Variants in DPYSL5 observed in about 807,000 individuals in gnomAD.
The protein encoded by DPYSL5 is dihydropyrimidinase like 5, also known as dihydropyrimidinase-related protein 5.
DPYSL5 carries 9 observed loss-of-function variants against 58.4 expected under a neutral mutation model. That is an observed-to-expected ratio of 0.15 (90% confidence interval 0.09 to 0.27). The LOEUF is 0.27. Among genes scored for constraint, DPYSL5 ranks in the 10% least tolerant of loss-of-function variants. The pLI, the probability that DPYSL5 is intolerant of heterozygous loss-of-function variation, is 1.00. For missense variants in DPYSL5, 499 were observed against 770.6 expected (o/e 0.65, Z 4.17); for synonymous variants, 293 against 301.9 (o/e 0.97, Z 0.31).
intron 1 of DPYSL5, among the ~76,000 whole-genome samples, chr2:26,887,598 C>T (rs1663752352): frequency 6.6e-6 from 1 of 152,242 alleles, no homozygotes; most frequent in African/African-American, 2.4e-5. Flanking sequence ...TAACTTTGTC[C>T]ACTCAGCAAG....
chr2:26,911,057 T>C (rs1222669129), intron 2 of DPYSL5, among the ~76,000 whole-genome samples: 1 of 150,136 alleles, frequency 6.7e-6, no homozygotes, highest in African/African-American at 2.4e-5. Context: ...TTTTTATACA[T>C]GGTATGTGGT....
rs1054429260 is a variant in DPYSL5, at chr2:26,947,880, G to A, written c.*885G>A. On this transcript the variant is annotated 3_prime_UTR_variant, in exon 13 of 13. Transcript: ENST00000288699. This position sits in a 1 kb window ranked among gnomAD's most constrained non-coding sequence, Gnocchi z 4.2. ...CAGGCCTCTCTTTTCCCCGCCTGCA[G>A]TCTTCTGGGCTGCGGGAGGCCCTGG... The A allele has an allele frequency of 6.5e-6, 1 of 152,824 alleles. No homozygotes were observed. The highest frequency in any genetic ancestry group is 2.4e-5 in the African/African-American group (1 of 41,430). 9.5% of individuals were successfully genotyped at this position (152,824 alleles called of 1,614,324 possible).
At chr2:26,870,708 CAAAAAAA>C (rs576919628) in intron 1 of DPYSL5, among the ~76,000 whole-genome samples, 3 of 80,410 alleles carry the variant, frequency 3.7e-5, no homozygotes. Context: ...GACTCTGTCT[CAAAAAAA>C]AAAAAAAAAA....
rs1235111105 is a variant in DPYSL5, at chr2:26,927,986, G to T, written c.601-269G>T. Among the ~76,000 whole-genome samples, 2 of 152,174 alleles carry T rather than the reference G, an allele frequency of 1.3e-5. No individual in the cohort carries two copies. Among genetic ancestry groups the T allele is most frequent in the East Asian group, 3.8e-4 (2 of 5,198 alleles). On this transcript the variant is annotated intron_variant, in intron 4 of 12. Transcript: ENST00000288699. The surrounding 1 kb of genome is among the most constrained non-coding windows in gnomAD (Gnocchi z 4.3). ...AGAGTGCTTGTCTTTGGTGTCCCAG[G>T]CCTGTTGCTAGTTATAATACTTAAC...
chr2:26,858,886 T>G (rs1456823520), intron 1 of DPYSL5, among the ~76,000 whole-genome samples: 1 of 152,114 alleles, frequency 6.6e-6, no homozygotes, highest in African/African-American at 2.4e-5. Flanking sequence ...ATTTTGTACT[T>G]TAAAATATAT....
intron 1 of DPYSL5, among the ~76,000 whole-genome samples, chr2:26,851,487 G>A (rs983285928): frequency 7.9e-5 from 12 of 152,190 alleles, no homozygotes; most frequent in South Asian, 2.1e-4. Flanking sequence ...AGGACTTGGC[G>A]TAAACTTCAT....
chr2:26,866,894 G>T (rs1252781241), intron 1 of DPYSL5, among the ~76,000 whole-genome samples: 1 of 151,914 alleles, frequency 6.6e-6, no homozygotes, highest in Non-Finnish European at 1.5e-5. Context: ...ACCACGCCCA[G>T]CTAATTCTTT....
intron 1 of DPYSL5, among the ~76,000 whole-genome samples, chr2:26,858,916 T>G (rs1316447424): frequency 6.6e-6 from 1 of 152,184 alleles, no homozygotes; most frequent in Non-Finnish European, 1.5e-5. Flanking sequence ...ACTCCAATAT[T>G]TAATCAATTA....
intron 2 of DPYSL5, among the ~76,000 whole-genome samples, chr2:26,908,304 G>A (rs1041834427): frequency 6.6e-6 from 1 of 152,184 alleles, no homozygotes; most frequent in Non-Finnish European, 1.5e-5. Context: ...ATTTCAAACA[G>A]AGTCTGATAG....
chr2:26,871,633 G>A lies in DPYSL5; in HGVS notation c.-5+23379G>A, dbSNP rs557744480. Among the ~76,000 whole-genome samples, 5 of 151,994 alleles carry A rather than the reference G, an allele frequency of 3.3e-5. No homozygotes were observed. In the South Asian group the frequency reaches 1.0e-3, roughly 32 times the overall value. ...ATTTTTGTATTTTTAGTAGAGACGG[G>A]CTTCACCATGTTGGCTGGGCTGGTC... On this transcript the variant is annotated intron_variant, in intron 1 of 12. Coordinates refer to ENST00000288699, the MANE Select transcript of DPYSL5 (RefSeq NM_020134.4).
intron 1 of DPYSL5, among the ~76,000 whole-genome samples, chr2:26,863,305 G>A (rs1666063323): frequency 6.6e-6 from 1 of 152,170 alleles, no homozygotes; most frequent in Non-Finnish European, 1.5e-5. Flanking sequence ...CTTTAAGCTG[G>A]CTCAGTTTCA....
At chr2:26,888,255 T>TTCTTTCTTTCTTTCTTTCTTTCTTTTG (rs1553316479) in intron 1 of DPYSL5, among the ~76,000 whole-genome samples, 6 of 108,188 alleles carry the variant, frequency 5.5e-5, no homozygotes, top group Non-Finnish European at 1.1e-4. Flanking sequence ...CTTTCTTTCT[T>TTCTTTCTTTCTTTCTTTCTTTCTTTTG]TCTTTCTTTC....
At chr2:26,888,703 C>T (rs1270934561) in intron 1 of DPYSL5, among the ~76,000 whole-genome samples, 5 of 152,082 alleles carry the variant, frequency 3.3e-5, no homozygotes, top group South Asian at 4.2e-4. Context: ...AAGTTTTTGG[C>T]GAAACATATG....
intron 2 of DPYSL5, among the ~76,000 whole-genome samples, chr2:26,902,481 TA>T: frequency 2.0e-5 from 3 of 152,278 alleles, no homozygotes; most frequent in Middle Eastern, 6.8e-3. Context: ...CTCACTAAGA[TA>T]TTGATAGCGA....
Position 26,898,546 on chromosome 2 carries a change from A to G in DPYSL5, c.47A>G (p.Lys16Arg). 3 of 1,614,170 alleles carry G rather than the reference A, an allele frequency of 1.9e-6. No homozygotes were observed. The South Asian group carries it at 3.3e-5, about 18-fold the overall frequency. Residue 16 changes from lysine to arginine, a missense_variant, in exon 2 of 13, where the codon AAG becomes AGG. This residue lies in a region of DPYSL5 where 404 missense variants were observed against 647.6 expected (regional missense o/e 0.62). Coordinates refer to ENST00000288699, the MANE Select transcript of DPYSL5 (RefSeq NM_020134.4). This position sits in a 1 kb window ranked among gnomAD's most constrained non-coding sequence, Gnocchi z 6.1. ...GTGAGGATCCTCATCAAGGGAGGCA[A>G]GGTGGTGAACGATGACTGCACCCAC... ...ASVRILIKGG[K>R]VVNDDCTHEA...
intron 1 of DPYSL5, among the ~76,000 whole-genome samples, chr2:26,874,446 T>C: frequency 6.6e-6 from 1 of 152,194 alleles, no homozygotes; most frequent in African/African-American, 2.4e-5. Context: ...TATCCATTTG[T>C]TCTAGCATCA....
chr2:26,898,920 C>T lies in DPYSL5; in HGVS notation c.261+160C>T, dbSNP rs374496046. Reference sequence around the variant, plus strand: ...CTGTGGCAACTACAATAGGGATTTCCGGCTTAACGTCACAGATTTCCATGA... The same window carrying T: ...CTGTGGCAACTACAATAGGGATTTCTGGCTTAACGTCACAGATTTCCATGA... On this transcript the variant is annotated intron_variant, in intron 2 of 12. Coordinates refer to ENST00000288699, the MANE Select transcript of DPYSL5 (RefSeq NM_020134.4). The surrounding 1 kb of genome is among the most constrained non-coding windows in gnomAD (Gnocchi z 6.1). Among the ~76,000 whole-genome samples, 6 of 152,136 alleles carry T rather than the reference C, an allele frequency of 3.9e-5. No homozygotes were observed. The highest frequency in any genetic ancestry group is 6.5e-5 in the Admixed American group (1 of 15,278).
Position 26,892,747 on chromosome 2 carries a change from G to T in DPYSL5, c.-4-5749G>T, listed in dbSNP as rs141687547. 2.2e-4 allele frequency among the ~76,000 whole-genome samples: 29 copies of T among 133,654 alleles called. 1 individual carries two copies. Among genetic ancestry groups the T allele is most frequent in the African/African-American group, 8.5e-4 (27 of 31,648 alleles). The allele number at this position is 133,654 out of a possible 152,430, so 87.7% of individuals were successfully genotyped here. A position where few individuals can be genotyped will look rare whatever the true frequency, so the allele number is the denominator to read the frequency against. On this transcript the variant is annotated intron_variant, in intron 1 of 12. Transcript: ENST00000288699. Reference sequence around the variant, plus strand: ...GGATTATATCTTTGCATAGAGCATTGGGTTTGTTTGAGAGAGAGAGAGAGA... The same window carrying T: ...GGATTATATCTTTGCATAGAGCATTTGGTTTGTTTGAGAGAGAGAGAGAGA...
At chr2:26,936,203 C>G (rs1665171391) in intron 8 of DPYSL5, among the ~76,000 whole-genome samples, 1 of 152,242 alleles carries the variant, frequency 6.6e-6, no homozygotes, top group Admixed American at 6.5e-5. Context: ...CTCAGTCTCC[C>G]TCCGAGGGTC....
Sources: gnomAD v4.1 joint callset for allele counts (sites outside exome capture counted in the v4.1 genomes callset) on GRCh38, gnomAD v4.1.1 for gene constraint, gnomAD v4.1.1 regional missense constraint, Gnocchi (gnomAD v3.1) non-coding constraint, MANE v1.5 for transcripts, NCBI Gene and HGNC (gene_info 2026-07-23, HGNC 2026-07-21) for gene names.